RBM6: variants seen among roughly 807,000 people sequenced by gnomAD.
The protein encoded by RBM6 is RNA-binding protein 6.
Under a neutral mutation model 140.4 loss-of-function variants are expected in RBM6, and 23 were observed. The observed-to-expected ratio is 0.16, with a 90% CI of 0.12 to 0.23. RBM6 has a LOEUF of 0.23. Among genes scored for constraint, RBM6 ranks in the 10% least tolerant of loss-of-function variants. The pLI, the probability that RBM6 is intolerant of heterozygous loss-of-function variation, is 1.00. For synonymous variants in RBM6, 439 were observed against 475.6 expected (o/e 0.92, Z 1.00); for missense variants, 1,139 against 1,386.7 (o/e 0.82, Z 2.84).
chr3:50,061,446 A>G lies in RBM6; in HGVS notation c.2354-16A>G. The stretch of plus-strand genomic sequence containing the variant: ...TGGACAGAGACTAACATTGGCTCTG[A>G]TCTTGTTACCTTTAGCATCATCTGA... On this transcript the variant is annotated splice_polypyrimidine_tract_variant and intron_variant, in intron 13 of 20. Transcript: ENST00000266022. The G allele has an allele frequency of 6.3e-7, 1 of 1,585,752 alleles. No homozygotes were observed. The highest frequency in any genetic ancestry group is 1.2e-5 in the South Asian group (1 of 85,540).
intron 5 of RBM6, among the ~76,000 whole-genome samples, chr3:49,981,196 G>A (rs1018787638): frequency 1.3e-5 from 2 of 152,094 alleles, no homozygotes; most frequent in Non-Finnish European, 2.9e-5. Flanking sequence ...CACTGCGTCC[G>A]GCCTATATTT....
intron 11 of RBM6, among the ~76,000 whole-genome samples, chr3:50,060,635 T>C (rs2089899764): frequency 6.7e-6 from 1 of 150,310 alleles, no homozygotes; most frequent in Non-Finnish European, 1.5e-5. Context: ...GCACCTGTAG[T>C]CCCAGCTACT....
chr3:49,952,435 G>C (rs1280315195), intron 1 of RBM6, among the ~76,000 whole-genome samples: 1 of 151,896 alleles, frequency 6.6e-6, no homozygotes, highest in Non-Finnish European at 1.5e-5. Context: ...TGAAGTGCTG[G>C]GATTAAAGAC....
intron 6 of RBM6, among the ~76,000 whole-genome samples, chr3:50,012,984 C>G (rs2086932656): frequency 6.6e-6 from 1 of 151,872 alleles, no homozygotes; most frequent in South Asian, 2.1e-4. Context: ...CTCAGGTGAT[C>G]TGACCACCTG....
chr3:50,039,482 A>ACCCCCCCCCCCCCCCC (rs10546220), intron 6 of RBM6, among the ~76,000 whole-genome samples: 6 of 122,142 alleles, frequency 4.9e-5, no homozygotes, highest in Admixed American at 8.1e-5. Flanking sequence ...CAGGTGATCC[A>ACCCCCCCCCCCCCCCC]CCCCCCCCCC....
chr3:49,963,418 T>TA (rs1195682882), intron 2 of RBM6, among the ~76,000 whole-genome samples: 1 of 151,986 alleles, frequency 6.6e-6, no homozygotes, highest in Admixed American at 6.6e-5. Flanking sequence ...ATTTTAATAT[T>TA]AAAAAATACC....
intron 6 of RBM6, among the ~76,000 whole-genome samples, chr3:50,004,558 C>G (rs1364846232): frequency 6.6e-6 from 1 of 151,170 alleles, no homozygotes. Context: ...AGCAATTTAC[C>G]TATCTCGGCC....
Position 49,967,602 on chromosome 3 carries a change from G to T in RBM6, c.177G>T (p.Gly59=). The T allele has an allele frequency of 6.2e-7, 1 of 1,614,132 alleles. No individual in the cohort carries two copies. The highest frequency in any genetic ancestry group is 8.5e-7 in the Non-Finnish European group (1 of 1,180,034). ...GRDSLPFDFQ[G]HSGPPFANVE... ...ATTCACTTCCCTTTGATTTCCAGGGGCATTCGGGGCCTCCTTTTGCAAATG... is the reference window on the plus strand; with the variant it reads ...ATTCACTTCCCTTTGATTTCCAGGGTCATTCGGGGCCTCCTTTTGCAAATG... Residue 59 remains glycine, a synonymous_variant, in exon 3 of 21, where the codon GGG becomes GGT. Transcript: ENST00000266022. The surrounding 1 kb of genome is among the most constrained non-coding windows in gnomAD (Gnocchi z 4.0).
intron 5 of RBM6, among the ~76,000 whole-genome samples, chr3:49,978,065 A>G (rs901144819): frequency 2.6e-5 from 4 of 152,166 alleles, no homozygotes; most frequent in African/African-American, 7.2e-5. Flanking sequence ...CATTGGTACG[A>G]TCATAGCTTA....
chr3:49,986,148 A>C (rs1216851779), intron 5 of RBM6, among the ~76,000 whole-genome samples: 1 of 151,412 alleles, frequency 6.6e-6, no homozygotes, highest in African/African-American at 2.4e-5. Context: ...CACCAAGCCT[A>C]AGTAATTTTT....
rs1559552963 is a variant in RBM6, at chr3:49,984,644, TCGCATC to T, written c.1483+9253_1483+9258del. Among the ~76,000 whole-genome samples, 55 of 118,396 alleles carry T rather than the reference TCGCATC, an allele frequency of 4.6e-4. 1 individual carries two copies. The highest frequency in any genetic ancestry group is 1.4e-3 in the African/African-American group (54 of 37,414). The allele number at this position is 118,396 out of a possible 152,430, so 77.7% of individuals were successfully genotyped here. On this transcript the variant is annotated intron_variant, in intron 5 of 20. Transcript: ENST00000266022. ...TCGCATCGCATCGCATCGCATCGCA[TCGCATC>T]GCATCGCATCGCATTGCATCACATC...
At chr3:50,035,355 T>C (rs1302175000) in intron 6 of RBM6, among the ~76,000 whole-genome samples, 1 of 152,056 alleles carries the variant, frequency 6.6e-6, no homozygotes, top group African/African-American at 2.4e-5. Flanking sequence ...AAAACTGCCC[T>C]GGAAAAGCCA....
Position 49,986,588 on chromosome 3 carries a change from C to G in RBM6, c.1483+11196C>G, listed in dbSNP as rs2085566835. Among the ~76,000 whole-genome samples the G allele has an allele frequency of 1.1e-4, 14 of 133,246 alleles. No individual in the cohort carries two copies. The South Asian group carries it at 3.0e-3, about 29-fold the overall frequency. The allele number at this position is 133,246 out of a possible 152,430, so 87.4% of individuals were successfully genotyped here. On this transcript the variant is annotated intron_variant, in intron 5 of 20. Coordinates refer to ENST00000266022, the MANE Select transcript of RBM6 (RefSeq NM_005777.3). Reference sequence around the variant, plus strand: ...CCAGCCTGGGCAACAGAGCAAGACTCCGTCTCAAAAAAAAAAAAAAACAAA... The same window carrying G: ...CCAGCCTGGGCAACAGAGCAAGACTGCGTCTCAAAAAAAAAAAAAAACAAA...
At chr3:49,945,302 TAAG>T (rs929408200) in intron 1 of RBM6, among the ~76,000 whole-genome samples, 5 of 151,868 alleles carry the variant, frequency 3.3e-5, no homozygotes, top group Admixed American at 2.6e-4. Context: ...CTCACCCTCT[TAAG>T]TAGCTGAGAC....
intron 6 of RBM6, among the ~76,000 whole-genome samples, chr3:50,038,168 C>G (rs1262408386): frequency 1.3e-5 from 2 of 151,974 alleles, no homozygotes; most frequent in Non-Finnish European, 2.9e-5. Flanking sequence ...GCTGCTGGTT[C>G]TTTGGGGATG....
chr3:50,015,692 A>G (rs2087105794), intron 6 of RBM6, among the ~76,000 whole-genome samples: 1 of 152,118 alleles, frequency 6.6e-6, no homozygotes, highest in Admixed American at 6.6e-5. Flanking sequence ...TCAGCCTCCC[A>G]AAGTGCTGGG....
At chr3:49,953,962 G>A (rs2083854609) in intron 1 of RBM6, among the ~76,000 whole-genome samples, 1 of 151,896 alleles carries the variant, frequency 6.6e-6, no homozygotes, top group African/African-American at 2.4e-5. Flanking sequence ...CGAAACCCTA[G>A]GTCTACCAGA....
intron 6 of RBM6, among the ~76,000 whole-genome samples, chr3:50,036,906 C>G (rs2088568552): frequency 6.6e-6 from 1 of 152,086 alleles, no homozygotes; most frequent in African/African-American, 2.4e-5. Flanking sequence ...CTCAGCCTCC[C>G]AAGTAATTGG....
chr3:49,949,379 A>G (rs1275471248), intron 1 of RBM6, among the ~76,000 whole-genome samples: 1 of 151,810 alleles, frequency 6.6e-6, no homozygotes, highest in Non-Finnish European at 1.5e-5. Flanking sequence ...ATCCTTCAGG[A>G]CAACATTTTT....
Sources: allele counts gnomAD v4.1 joint callset (sites outside exome capture counted in the v4.1 genomes callset), GRCh38; gene constraint gnomAD v4.1.1; non-coding constraint Gnocchi (gnomAD v3.1); transcripts MANE v1.5; gene names NCBI Gene and HGNC (gene_info 2026-07-23, HGNC 2026-07-21).